PPM1H: variants seen among roughly 807,000 people sequenced by gnomAD.
PPM1H encodes the protein protein phosphatase, Mg2+/Mn2+ dependent 1H.
A neutral mutation model predicts 54.9 loss-of-function variants in PPM1H; 27 were observed. The observed-to-expected ratio is 0.49, with a 90% CI of 0.36 to 0.68. PPM1H has a LOEUF of 0.68. Ranked by LOEUF, PPM1H falls within the 30% of genes least tolerant of loss-of-function variation. The pLI, the probability that PPM1H is intolerant of heterozygous loss-of-function variation, is 0.00. For missense variants in PPM1H, 596 were observed against 667.8 expected, an observed-to-expected ratio of 0.89 and a Z score of 1.19; for synonymous variants, 305 against 270.8, an observed-to-expected ratio of 1.13 and a Z score of -1.24.
At chr12:62,759,140 T>A (rs1016613750) in intron 4 of PPM1H, among the ~76,000 whole-genome samples, 2 of 152,220 alleles carry the variant, frequency 1.3e-5, no homozygotes, top group Non-Finnish European at 2.9e-5. Flanking sequence ...CCAGGTGAAA[T>A]AAACAGCCAT....
At chr12:62,788,398 A>C in intron 3 of PPM1H, 60 bp from the exon 4 acceptor site, 1 of 1,073,542 alleles carries the variant, frequency 9.3e-7, no homozygotes, top group Non-Finnish European at 1.4e-6. Context: ...AAGCTTTCTC[A>C]CTTTCATTCT....
Position 62,821,530 on chromosome 12 carries a change from C to T in PPM1H, c.411+10584G>A, listed in dbSNP as rs553206709. 2.7e-4 allele frequency among the ~76,000 whole-genome samples: 41 copies of T among 152,288 alleles called. 1 individual carries two copies. Among genetic ancestry groups the T allele is most frequent in the African/African-American group, 9.1e-4 (38 of 41,568 alleles). The stretch of plus-strand genomic sequence containing the variant: ...GTTAAGGGCAGCCAGAGAGAAAGGT[C>T]GGGTTACCTGCAAAGGGAAGCCCAT... On this transcript the variant is annotated intron_variant, in intron 2 of 9. Transcript: ENST00000228705.
chr12:62,789,059 A>G (rs1388822405), intron 3 of PPM1H, among the ~76,000 whole-genome samples: 1 of 152,142 alleles, frequency 6.6e-6, no homozygotes, highest in Non-Finnish European at 1.5e-5. Flanking sequence ...TCTGTCACCC[A>G]GGCTGGAGTG....
chr12:62,926,823 G>A (rs1019938005), intron 1 of PPM1H, among the ~76,000 whole-genome samples: 2 of 152,048 alleles, frequency 1.3e-5, no homozygotes, highest in East Asian at 1.9e-4. Flanking sequence ...GCATGGTGGC[G>A]CATGCCTGTA....
rs2075797569 is a variant in PPM1H, at chr12:62,648,262, T to G, written c.*227A>C. On this transcript the variant is annotated 3_prime_UTR_variant, in exon 10 of 10. Transcript: ENST00000228705. ...GAAAGGAACTGAAATACAACAACACTTGGTAGCAGCCTTTGTGTTTTGCTC... is the reference window on the plus strand; with the variant it reads ...GAAAGGAACTGAAATACAACAACACGTGGTAGCAGCCTTTGTGTTTTGCTC... 2 of 512,480 alleles carry G rather than the reference T, an allele frequency of 3.9e-6. No individual in the cohort carries two copies. The highest frequency in any genetic ancestry group is 6.9e-6 in the Non-Finnish European group (2 of 287,902). The allele number at this position is 512,480 out of a possible 1,614,324, so 31.7% of individuals were successfully genotyped here.
chr12:62,869,314 T>C (rs1408465977), intron 1 of PPM1H, among the ~76,000 whole-genome samples: 1 of 152,240 alleles, frequency 6.6e-6, no homozygotes, highest in Non-Finnish European at 1.5e-5. Context: ...GTTTTTATAT[T>C]TGACACTTCA....
At chr12:62,756,315 T>C in intron 4 of PPM1H, 1 of 546,188 alleles carries the variant, frequency 1.8e-6, no homozygotes, top group Non-Finnish European at 3.4e-6. Flanking sequence ...CCATACTCAG[T>C]CCCCCACAAC....
chr12:62,777,559 A>AG (rs2076618529), intron 4 of PPM1H, among the ~76,000 whole-genome samples: 1 of 152,238 alleles, frequency 6.6e-6, no homozygotes, highest in Non-Finnish European at 1.5e-5. Flanking sequence ...TATCATATGC[A>AG]AACCGAGGAT....
chr12:62,788,332 G>T lies in PPM1H; in HGVS notation c.763C>A (p.Gln255Lys), dbSNP rs1220915855. 6.4e-7 allele frequency: 1 copy of T among 1,551,044 alleles called. No homozygotes were observed. The highest frequency in any genetic ancestry group is 8.8e-7 in the Non-Finnish European group (1 of 1,139,068). ...TATGAACTCCTCTCTCGTTCTATCTGTAGGTCCTGGAGAATAAAACAGAGT... is the reference window on the plus strand; with the variant it reads ...TATGAACTCCTCTCTCGTTCTATCTTTAGGTCCTGGAGAATAAAACAGAGT... ...LESAFKEMDL[Q>K]IERERSSYNI... The change falls in exon 4 of 10, where the codon CAG becomes AAG. Residue 255 changes from glutamine (Q) to lysine (K), a missense_variant. Physicochemically the swap from Gln to Lys is moderately conservative, Grantham distance 53. Coordinates refer to ENST00000228705, the MANE Select transcript of PPM1H (RefSeq NM_020700.2).
chr12:62,821,589 A>G (rs2076903326), intron 2 of PPM1H, among the ~76,000 whole-genome samples: 1 of 152,250 alleles, frequency 6.6e-6, no homozygotes, highest in Non-Finnish European at 1.5e-5. Flanking sequence ...CAGAAACTCT[A>G]CAAGCCAGAA....
Position 62,680,910 on chromosome 12 carries a change from C to T in PPM1H, c.1245+8789G>A, listed in dbSNP as rs74844887. On this transcript the variant is annotated intron_variant, in intron 8 of 9. Transcript: ENST00000228705. ...GATGAAACATGGGACACTGAACTCC[C>T]TGGAGTTATTTCTCTGGTCCCTATT... is the stretch of plus-strand genomic sequence containing the variant. Among the ~76,000 whole-genome samples, 12 of 152,266 alleles carry T rather than the reference C, an allele frequency of 7.9e-5. No homozygotes were observed. In the East Asian group the frequency reaches 2.3e-3, roughly 29 times the overall value.
At chr12:62,688,663 C>T (rs900641864) in intron 8 of PPM1H, among the ~76,000 whole-genome samples, 1 of 152,066 alleles carries the variant, frequency 6.6e-6, no homozygotes, top group Non-Finnish European at 1.5e-5. Context: ...AGAAGCTCTT[C>T]AGGTAATTAG....
At chr12:62,742,102 G>A (rs746485157) in intron 4 of PPM1H, among the ~76,000 whole-genome samples, 4 of 151,856 alleles carry the variant, frequency 2.6e-5, no homozygotes, top group Non-Finnish European at 4.4e-5. Context: ...AGCAATGGTA[G>A]CAGCTCACCA....
chr12:62,804,030 G>A (rs996437262), intron 2 of PPM1H, among the ~76,000 whole-genome samples: 2 of 152,068 alleles, frequency 1.3e-5, no homozygotes, highest in Non-Finnish European at 2.9e-5. Context: ...ACCAGATAAG[G>A]GGCATCTAGG....
chr12:62,704,332 C>G (rs966989924), intron 6 of PPM1H, among the ~76,000 whole-genome samples: 3 of 152,146 alleles, frequency 2.0e-5, no homozygotes, highest in Non-Finnish European at 4.4e-5. Flanking sequence ...CATCTCGCCC[C>G]AGGCTCATCA....
intron 2 of PPM1H, among the ~76,000 whole-genome samples, chr12:62,830,429 GTA>G (rs1565802179): frequency 1.3e-5 from 2 of 152,002 alleles, no homozygotes; most frequent in African/African-American, 4.8e-5. Flanking sequence ...CTAATTTTTT[GTA>G]TTTTTAGTAG....
rs952042835 is a variant in PPM1H at position 62,646,536 on chromosome 12, C to T, written c.*1953G>A. 1.3e-4 allele frequency: 20 copies of T among 152,206 alleles called. No homozygotes were observed. Among genetic ancestry groups the T allele is most frequent in the Admixed American group, 3.9e-4 (6 of 15,276 alleles). The allele number at this position is 152,206 out of a possible 1,614,324, so 9.4% of individuals were successfully genotyped here. ...GTGGACCACACTGCTGTCACATGCC[C>T]GAAGGTTTTCCTACAGCATCAGACT... is the stretch of plus-strand genomic sequence containing the variant. On this transcript the variant is annotated 3_prime_UTR_variant, in exon 10 of 10. Transcript: ENST00000228705.
At chr12:62,782,420 A>G (rs1455297061) in intron 4 of PPM1H, among the ~76,000 whole-genome samples, 2 of 152,226 alleles carry the variant, frequency 1.3e-5, no homozygotes, top group Admixed American at 6.5e-5. Context: ...GAACAGTCAG[A>G]CTTGTCAAAG....
At chr12:62,669,914 G>A (rs1209395576) in intron 8 of PPM1H, among the ~76,000 whole-genome samples, 2 of 149,416 alleles carry the variant, frequency 1.3e-5, no homozygotes, top group African/African-American at 5.0e-5. Flanking sequence ...ACTCCAGCCT[G>A]GGTGACAGTG....
Sources: gnomAD v4.1 joint callset for allele counts (sites outside exome capture counted in the v4.1 genomes callset) on GRCh38, gnomAD v4.1.1 for gene constraint, MANE v1.5 for transcripts, NCBI Gene and HGNC (gene_info 2026-07-23, HGNC 2026-07-21) for gene names.